Variants in SPMIP2 observed in about 807,000 individuals in gnomAD.
SPMIP2 encodes the protein sperm microtubule inner protein 2.
chr4:158,978,394 A>C, the SPMIP2 span, among the ~76,000 whole-genome samples: 23 of 152,124 alleles, frequency 1.5e-4, no homozygotes, highest in Non-Finnish European at 3.2e-4. Context: ...ACATTCTATT[A>C]ATTTGGGGTG....
the SPMIP2 span, among the ~76,000 whole-genome samples, chr4:159,073,177 A>G: frequency 6.6e-6 from 1 of 152,124 alleles, no homozygotes; most frequent in East Asian, 1.9e-4. Flanking sequence ...TTTTGGAGAC[A>G]GGGTCTCACT....
chr4:158,949,923 C>T, the SPMIP2 span, among the ~76,000 whole-genome samples: 1 of 152,192 alleles, frequency 6.6e-6, no homozygotes, highest in Non-Finnish European at 1.5e-5. Context: ...CTGTGATTTT[C>T]AAGCAAATGA....
At chr4:158,904,306 G>C in the SPMIP2 span, among the ~76,000 whole-genome samples, 1 of 152,134 alleles carries the variant, frequency 6.6e-6, no homozygotes, top group Non-Finnish European at 1.5e-5. Context: ...AAAAGAGTAA[G>C]TTTATTATCC....
chr4:158,970,783 G>A, the SPMIP2 span, among the ~76,000 whole-genome samples: 2 of 151,994 alleles, frequency 1.3e-5, no homozygotes, highest in Non-Finnish European at 2.9e-5. Context: ...TGTTATCTGA[G>A]ACAGCTAGAC....
the SPMIP2 span, among the ~76,000 whole-genome samples, chr4:158,968,801 T>A: frequency 3.3e-5 from 5 of 152,296 alleles, no homozygotes; most frequent in African/African-American, 1.2e-4. Flanking sequence ...AAGCCAATCT[T>A]ATATCAGTTT....
the SPMIP2 span, among the ~76,000 whole-genome samples, chr4:159,039,096 C>T: frequency 6.6e-6 from 1 of 152,176 alleles, no homozygotes; most frequent in African/African-American, 2.4e-5. Context: ...CCTCCCACTT[C>T]AGCCTCCAGA....
chr4:158,982,382 C>T, the SPMIP2 span, among the ~76,000 whole-genome samples: 7 of 152,334 alleles, frequency 4.6e-5, no homozygotes, highest in African/African-American at 7.2e-5. Flanking sequence ...ACCTAACAGA[C>T]ATCCACAGAA....
the SPMIP2 span, among the ~76,000 whole-genome samples, chr4:159,052,371 A>AAACAAC: frequency 1.8e-4 from 27 of 151,422 alleles, no homozygotes; most frequent in South Asian, 4.2e-4. Flanking sequence ...TAGACCCTGA[A>AAACAAC]AACAACAACA....
the SPMIP2 span, among the ~76,000 whole-genome samples, chr4:159,070,851 G>A: frequency 1.3e-5 from 2 of 152,146 alleles, no homozygotes; most frequent in Non-Finnish European, 2.9e-5. Context: ...CACTTATTTG[G>A]TTTTATGAAT....
At chr4:159,055,250 AG>A in the SPMIP2 span, among the ~76,000 whole-genome samples, 81 of 152,340 alleles carry the variant, frequency 5.3e-4, no homozygotes, top group African/African-American at 1.9e-3. Flanking sequence ...GGAGAGACAT[AG>A]GGTGCTCTAT....
At chr4:158,916,176 A>C in the SPMIP2 span, among the ~76,000 whole-genome samples, 1 of 152,208 alleles carries the variant, frequency 6.6e-6, no homozygotes. Flanking sequence ...GGCACAGTAC[A>C]AGGCACCGTG....
the SPMIP2 span, among the ~76,000 whole-genome samples, chr4:158,954,079 G>A: frequency 3.3e-4 from 50 of 152,272 alleles, no homozygotes; most frequent in Admixed American, 9.2e-4. Context: ...GGCATGATTG[G>A]TTTTGAAATG....
At chr4:159,065,539 G>A in the SPMIP2 span, among the ~76,000 whole-genome samples, 14 of 152,234 alleles carry the variant, frequency 9.2e-5, no homozygotes, top group East Asian at 2.5e-3. Context: ...GCAGCATGGC[G>A]AAACCCTCTC....
the SPMIP2 span, among the ~76,000 whole-genome samples, chr4:158,943,372 TA>T: frequency 6.6e-6 from 1 of 152,214 alleles, no homozygotes; most frequent in Non-Finnish European, 1.5e-5. Flanking sequence ...AACAATTGGA[TA>T]ACCTTGCTGA....
chr4:159,021,380 A>T, the SPMIP2 span, among the ~76,000 whole-genome samples: 37 of 152,318 alleles, frequency 2.4e-4, no homozygotes, highest in African/African-American at 8.4e-4. Context: ...AGAGGTTTTC[A>T]GTGTCCCGCA....
At chr4:159,032,004 C>T in the SPMIP2 span, among the ~76,000 whole-genome samples, 5 of 151,956 alleles carry the variant, frequency 3.3e-5, no homozygotes, top group African/African-American at 7.2e-5. Context: ...GGCAGATCAC[C>T]GGAGGTCAGG....
chr4:159,039,918 T>A, the SPMIP2 span, among the ~76,000 whole-genome samples: 1 of 152,348 alleles, frequency 6.6e-6, no homozygotes, highest in African/African-American at 2.4e-5. Context: ...AAGTTATATA[T>A]CTTAATGATA....
the SPMIP2 span, among the ~76,000 whole-genome samples, chr4:159,074,450 T>A: frequency 4.6e-3 from 700 of 152,206 alleles, 6 homozygotes; most frequent in African/African-American, 0.016. Context: ...GAAGATGAGG[T>A]ATGGCCACAG....
At chr4:159,002,437 T>C in the SPMIP2 span, among the ~76,000 whole-genome samples, 1 of 152,188 alleles carries the variant, frequency 6.6e-6, no homozygotes, top group African/African-American at 2.4e-5. Context: ...AAAAAAATTA[T>C]TTTTTGTAGA....
Sources: allele counts gnomAD v4.1 joint callset (sites outside exome capture counted in the v4.1 genomes callset), GRCh38; gene constraint gnomAD v4.1.1; transcripts MANE v1.5; gene names NCBI Gene and HGNC (gene_info 2026-07-23, HGNC 2026-07-21).